DCLRE1B: variants seen among roughly 807,000 people sequenced by gnomAD.
DCLRE1B encodes the protein 5' exonuclease Apollo.
Under a neutral mutation model 19.8 loss-of-function variants are expected in DCLRE1B, and 6 were observed. The observed-to-expected ratio is 0.30, with a 90% CI of 0.17 to 0.60. The LOEUF is 0.60. Ranked by LOEUF, DCLRE1B falls within the 20% of genes least tolerant of loss-of-function variation. DCLRE1B has a pLI of 0.87. For synonymous variants in DCLRE1B, 258 were observed against 255.7 expected (o/e 1.01, Z -0.09); for missense variants, 622 against 654.2 (o/e 0.95, Z 0.54).
At position 113,911,021 on chromosome 1, in the gene DCLRE1B, C is replaced by T; in HGVS notation, c.539-110C>T. The stretch of plus-strand genomic sequence containing the variant: ...TCCTTGATATTCTCCCTGGATTTCT[C>T]CATGAATTGTATCTATTTTTGTTAA... On this transcript the variant is annotated intron_variant, in intron 3 of 3. Transcript: ENST00000650450. 3.9e-6 allele frequency: 4 copies of T among 1,031,514 alleles called. No individual in the cohort carries two copies. In the South Asian group the frequency reaches 6.7e-5, roughly 17 times the overall value. 63.9% of individuals were successfully genotyped at this position (1,031,514 alleles called of 1,614,324 possible).
At chr1:113,907,209 T>TG (rs2101068474) in intron 2 of DCLRE1B, 48 bp downstream of exon 2, 2 of 729,466 alleles carry the variant, frequency 2.7e-6, no homozygotes, top group Non-Finnish European at 3.5e-6. Context: ...TAGATGTTTT[T>TG]TTTTTTTTTT....
chr1:113,905,350 C>G lies in DCLRE1B; in HGVS notation c.-237C>G. ...CGCTTTGAGTGCCCGGCTCGGCCTC[C>G]GCTCCCGCGCGGTTGGGAGTGTCCA... On this transcript the variant is annotated 5_prime_UTR_variant, in exon 1 of 4. Coordinates refer to ENST00000650450, the MANE Select transcript of DCLRE1B (RefSeq NM_022836.4). 2 of 524,544 alleles carry G rather than the reference C, an allele frequency of 3.8e-6. No homozygotes were observed. Among genetic ancestry groups the G allele is most frequent in the Non-Finnish European group, 6.7e-6 (2 of 300,226 alleles). 32.5% of individuals were successfully genotyped at this position (524,544 alleles called of 1,614,324 possible).
rs1669346228 is a variant in DCLRE1B, at chr1:113,913,706, CT to C, written c.*1516del. Reference sequence around the variant, plus strand: ...AGGATGGGTCTTTCAGATTTTGGTTCTCTTTAGCTTCTGGTTCTTGAAAGAA... The same window carrying C: ...AGGATGGGTCTTTCAGATTTTGGTTCCTTTAGCTTCTGGTTCTTGAAAGAA... On this transcript the variant is annotated 3_prime_UTR_variant, in exon 4 of 4. Coordinates refer to ENST00000650450, the MANE Select transcript of DCLRE1B (RefSeq NM_022836.4). The C allele has an allele frequency of 6.6e-6, 1 of 152,452 alleles. No individual in the cohort carries two copies. Among genetic ancestry groups the C allele is most frequent in the South Asian group, 2.1e-4 (1 of 4,828 alleles). The allele number at this position is 152,452 out of a possible 1,614,324, so 9.4% of individuals were successfully genotyped here.
At position 113,912,026 on chromosome 1, in the gene DCLRE1B, C is replaced by T. The variant is rs199507509; in HGVS notation, c.1434C>T (p.Gly478=). Residue 478 remains glycine (G), a synonymous_variant, in exon 4 of 4, where the codon GGC becomes GGT. Transcript: ENST00000650450. ...CAGGGAATCAGAGTGCCTGGATGGGCCATGGTTCTCCCCTGTCCCACAGCA... is the reference window on the plus strand; with the variant it reads ...CAGGGAATCAGAGTGCCTGGATGGGTCATGGTTCTCCCCTGTCCCACAGCA... ...EATGNQSAWM[G]HGSPLSHSSK... is the part of the protein sequence containing the mutation. The T allele has an allele frequency of 2.6e-4, 424 of 1,614,086 alleles. No individual in the cohort carries two copies. Among genetic ancestry groups the T allele is most frequent in the Non-Finnish European group, 3.5e-4 (411 of 1,180,048 alleles).
In DCLRE1B at chr1:113,907,202, A is replaced by ATTTTT. The variant is rs756672653; in HGVS notation, c.355+42_355+43insTTTTT. ...AATCCCAGTGACTTCTCCAGACTAG[A>ATTTTT]TGTTTTTTTTTTTTTTTTTTTTTTT... On this transcript the variant is annotated intron_variant, in intron 2 of 3. Coordinates refer to ENST00000650450, the MANE Select transcript of DCLRE1B (RefSeq NM_022836.4). 1.6e-4 allele frequency: 32 copies of ATTTTT among 203,244 alleles called. 1 individual carries two copies. Among genetic ancestry groups the ATTTTT allele is most frequent in the African/African-American group, 7.7e-4 (5 of 6,498 alleles). The allele number at this position is 203,244 out of a possible 1,614,324, so 12.6% of individuals were successfully genotyped here.
At chr1:113,905,177 G>A (rs1273962200), upstream of DCLRE1B, 1 of 341,142 alleles carries the variant, frequency 2.9e-6, no homozygotes, top group Non-Finnish European at 5.6e-6. Context: ...CCCCGCGAGC[G>A]AGCGCTAAGC....
Position 113,911,781 on chromosome 1 carries a change from A to G in DCLRE1B, c.1189A>G (p.Lys397Glu), listed in dbSNP as rs779598014. 13 of 1,614,094 alleles carry G rather than the reference A, an allele frequency of 8.1e-6. No homozygotes were observed. The South Asian group carries it at 1.4e-4, about 18-fold the overall frequency. The change falls in exon 4 of 4, where the codon AAG becomes GAG. Residue 397 changes from lysine (K) to glutamate (E), a missense_variant. Physicochemically the swap from Lys to Glu is moderately conservative, Grantham distance 56. Coordinates refer to ENST00000650450, the MANE Select transcript of DCLRE1B (RefSeq NM_022836.4). Reference sequence around the variant, plus strand: ...GCCTTCCCACCATCCTTTGCGGATCAAGAAGCAGTTGTTCCCAGATCTCTA... The same window carrying G: ...GCCTTCCCACCATCCTTTGCGGATCGAGAAGCAGTTGTTCCCAGATCTCTA... ...KQPSHHPLRI[K>E]KQLFPDLYSK...
chr1:113,907,214 T>G (rs943103511), intron 2 of DCLRE1B, 53 bp downstream of exon 2: 39 of 1,067,898 alleles, frequency 3.7e-5, no homozygotes, highest in Non-Finnish European at 4.6e-5. Flanking sequence ...GTTTTTTTTT[T>G]TTTTTTTTTT....
intron 1 of DCLRE1B, among the ~76,000 whole-genome samples, chr1:113,905,993 G>A (rs1480145801): frequency 6.6e-6 from 1 of 150,592 alleles, no homozygotes; most frequent in East Asian, 1.9e-4. Flanking sequence ...ATCCAGCCAA[G>A]GAAACTATTC....
chr1:113,912,852 T>C lies in DCLRE1B; in HGVS notation c.*661T>C, dbSNP rs1168548291. ...TTCATGAGGATGTGCAGTATCCCAG[T>C]ATCACTGGGATCCATGTGGAACAGA... On this transcript the variant is annotated 3_prime_UTR_variant, in exon 4 of 4. Coordinates refer to ENST00000650450, the MANE Select transcript of DCLRE1B (RefSeq NM_022836.4). 6.6e-6 allele frequency: 1 copy of C among 152,354 alleles called. No individual in the cohort carries two copies. The highest frequency in any genetic ancestry group is 1.5e-5 in the Non-Finnish European group (1 of 68,072). The allele number at this position is 152,354 out of a possible 1,614,324, so 9.4% of individuals were successfully genotyped here.
intron 3 of DCLRE1B, among the ~76,000 whole-genome samples, chr1:113,910,778 G>A (rs1030374824): frequency 1.3e-5 from 2 of 152,186 alleles, no homozygotes; most frequent in African/African-American, 4.8e-5. Flanking sequence ...TTACAGGTGT[G>A]AGCCACAGTG....
rs774809928 is a variant in DCLRE1B, at chr1:113,907,047, C to T, written c.241C>T (p.Pro81Ser). ...GGAGGTTGGTGAGAGCCATGTATTA[C>T]CCCTAGATGAAATTGGACAAGAGAC... is the stretch of plus-strand genomic sequence containing the variant. Reference protein sequence around the residue: ...ALEVGESHVLPLDEIGQETMT... With the variant: ...ALEVGESHVLSLDEIGQETMT... The change falls in exon 2 of 4, where the codon CCC (proline) becomes TCC (serine). Residue 81 changes from proline (P) to serine (S), a missense_variant. Physicochemically the swap from Pro to Ser is moderately conservative, Grantham distance 74. Transcript: ENST00000650450. 2 of 1,613,814 alleles carry T rather than the reference C, an allele frequency of 1.2e-6. No homozygotes were observed. Among genetic ancestry groups the T allele is most frequent in the African/African-American group, 2.7e-5 (2 of 74,804 alleles).
At position 113,905,642 on chromosome 1, in the gene DCLRE1B, G is replaced by T; in HGVS notation, c.56G>T (p.Arg19Leu). 1.2e-6 allele frequency: 2 copies of T among 1,614,134 alleles called. No individual in the cohort carries two copies. The highest frequency in any genetic ancestry group is 1.7e-6 in the Non-Finnish European group (2 of 1,180,028). ...ATCGCAGTGGACTTCTGGAGCCTGC[G>T]CCGGGCTGGCACCGCACGTCTCTTC... ...TPIAVDFWSL[R>L]RAGTARLFFL... The change falls in exon 1 of 4, where the codon CGC (arginine) becomes CTC (leucine). Residue 19 changes from arginine (R) to leucine (L), a missense_variant. Arg to Leu is a moderately radical substitution (Grantham distance 102, BLOSUM62 -2). This residue lies in a region of DCLRE1B where 237 missense variants were observed against 223.8 expected (regional missense o/e 1.06). Transcript: ENST00000650450.
intron 3 of DCLRE1B, among the ~76,000 whole-genome samples, chr1:113,909,280 T>C (rs969691513): frequency 6.6e-6 from 1 of 152,240 alleles, no homozygotes; most frequent in African/African-American, 2.4e-5. Context: ...TTGTGCTTGT[T>C]GTACTGATTA....
chr1:113,904,624 C>T, upstream of DCLRE1B: 2 of 1,613,922 alleles, frequency 1.2e-6, no homozygotes, highest in Non-Finnish European at 1.7e-6. Context: ...CGCTGGATGA[C>T]ATTCCGGTAG....
rs1669352737 is a variant in DCLRE1B, at chr1:113,913,820, T to C, written c.*1629T>C. On this transcript the variant is annotated 3_prime_UTR_variant, in exon 4 of 4. Transcript: ENST00000650450. ...GTAGATTAATTGATTTGCTATCTTT[T>C]AGTTTTTTTTTCTATGCATGTAGAT... 1 of 152,264 alleles carries C rather than the reference T, an allele frequency of 6.6e-6. No individual in the cohort carries two copies. Among genetic ancestry groups the C allele is most frequent in the Non-Finnish European group, 1.5e-5 (1 of 68,032 alleles). The allele number at this position is 152,264 out of a possible 1,614,324, so 9.4% of individuals were successfully genotyped here.
At position 113,906,238 on chromosome 1, in the gene DCLRE1B, TG is replaced by T. The variant is rs200290551; in HGVS notation, c.189+464del. Among the ~76,000 whole-genome samples, 398 of 151,082 alleles carry T rather than the reference TG, an allele frequency of 2.6e-3. 6 individuals carry two copies. Among genetic ancestry groups the T allele is most frequent in the East Asian group, 0.018 (92 of 5,054 alleles). On this transcript the variant is annotated intron_variant, in intron 1 of 3. Transcript: ENST00000650450. ...CGCCCAGCTAATTTTTTGTATTTTTTGTGGAGACGGGGTTTCACCATGTTGG... is the reference window on the plus strand; with the variant it reads ...CGCCCAGCTAATTTTTTGTATTTTTTTGGAGACGGGGTTTCACCATGTTGG...
chr1:113,912,101 A>T lies in DCLRE1B; in HGVS notation c.1509A>T (p.Lys503Asn). 6.2e-7 allele frequency: 1 copy of T among 1,614,184 alleles called. No homozygotes were observed. The highest frequency in any genetic ancestry group is 8.5e-7 in the Non-Finnish European group (1 of 1,180,040). Residue 503 changes from lysine to asparagine, a missense_variant, in exon 4 of 4, where the codon AAA becomes AAT. Around this residue, in one of 3 missense-constraint regions of DCLRE1B, gnomAD observed 382 missense variants for 412.5 expected, o/e 0.93. Transcript: ENST00000650450. ...CTGAATTCAGGGGTCTAGCACTCAA[A>T]TATCTTCTGACTCCAGTGAACTTTT... Reference protein sequence around the residue: ...LATEFRGLALKYLLTPVNFFQ... With the variant: ...LATEFRGLALNYLLTPVNFFQ...
chr1:113,907,973 CTCTGACCT>C (rs774530849), intron 2 of DCLRE1B, 28 bp from the exon 3 acceptor site: 13 of 1,589,246 alleles, frequency 8.2e-6, no homozygotes, highest in Non-Finnish European at 9.4e-6. Flanking sequence ...ATTCTTTTGT[CTCTGACCT>C]TCTGCCCCCA....
Sources: allele counts gnomAD v4.1 joint callset (sites outside exome capture counted in the v4.1 genomes callset), GRCh38; gene constraint gnomAD v4.1.1; regional missense constraint gnomAD v4.1.1; transcripts MANE v1.5; gene names NCBI Gene and HGNC (gene_info 2026-07-23, HGNC 2026-07-21).